The following VEPH1 variants were observed in gnomAD, a reference collection of about 807,000 sequenced individuals.
VEPH1 encodes ventricular zone expressed PH domain containing 1, also known as ventricular zone-expressed PH domain-containing protein homolog 1.
VEPH1 carries 80 observed loss-of-function variants against 85.2 expected under a neutral mutation model. The ratio of observed to expected loss-of-function variants is 0.94; its 90% CI spans 0.78 to 1.13. The LOEUF is 1.13. Ranked by LOEUF, VEPH1 falls within the 50% of genes most tolerant of loss-of-function variation. The pLI, the probability that VEPH1 is intolerant of heterozygous loss-of-function variation, is 0.00. For synonymous variants in VEPH1, 297 were observed against 348.0 expected (o/e 0.85, Z 1.63); for missense variants, 955 against 980.5 (o/e 0.97, Z 0.35).
Position 157,304,014 on chromosome 3 carries a change from TTATATTTTTTA to T in VEPH1, c.2010+9596_2010+9606del, listed in dbSNP as rs1054161299. Among the ~76,000 whole-genome samples the T allele has an allele frequency of 3.6e-4, 42 of 116,570 alleles. 1 individual carries two copies. The highest frequency in any genetic ancestry group is 1.3e-3 in the African/African-American group (38 of 29,110). The allele number at this position is 116,570 out of a possible 152,430, so 76.5% of individuals were successfully genotyped here. A position where few individuals can be genotyped will look rare whatever the true frequency, so the allele number is the denominator to read the frequency against. On this transcript the variant is annotated intron_variant, in intron 11 of 13. Transcript: ENST00000362010. ...CACATGTAGACTTAAATTTCTCATC[TTATATTTTTTA>T]TATATATATATATACACACATACTG...
chr3:157,424,990 C>A (rs527671069), intron 5 of VEPH1, among the ~76,000 whole-genome samples: 36 of 152,178 alleles, frequency 2.4e-4, no homozygotes, highest in South Asian at 4.1e-4. Context: ...CATGGCAGCC[C>A]CTCCCATCAC....
chr3:157,494,942 A>AT, intron 2 of VEPH1, among the ~76,000 whole-genome samples: 1 of 152,074 alleles, frequency 6.6e-6, no homozygotes, highest in East Asian at 1.9e-4. Flanking sequence ...CCTAAATAAT[A>AT]TTTTTGTGAG....
rs1379771843 is a variant in VEPH1 at position 157,438,030 on chromosome 3, C to G, written c.530-9542G>C. On this transcript the variant is annotated intron_variant, in intron 4 of 13. Coordinates refer to ENST00000362010, the MANE Select transcript of VEPH1 (RefSeq NM_001167912.2). Reference sequence around the variant, plus strand: ...GAAGCTTTCATGGGAAGCGCGCGCGCGCGCGCGCACACACACACACACACA... The same window carrying G: ...GAAGCTTTCATGGGAAGCGCGCGCGGGCGCGCGCACACACACACACACACA... 7 of 817,836 alleles carry G rather than the reference C, an allele frequency of 8.6e-6. No homozygotes were observed. In the Admixed American group the frequency reaches 9.8e-5, roughly 11 times the overall value. 50.7% of individuals were successfully genotyped at this position (817,836 alleles called of 1,614,324 possible).
intron 11 of VEPH1, among the ~76,000 whole-genome samples, chr3:157,311,062 A>C (rs1388171846): frequency 6.6e-6 from 1 of 152,254 alleles, no homozygotes; most frequent in Non-Finnish European, 1.5e-5. Context: ...TTCAATTGAT[A>C]TGTATTATTT....
At chr3:157,423,203 C>A (rs1732484656) in intron 5 of VEPH1, among the ~76,000 whole-genome samples, 1 of 152,104 alleles carries the variant, frequency 6.6e-6, no homozygotes, top group Non-Finnish European at 1.5e-5. Context: ...GTCCTATGTA[C>A]CTTAAGGAGT....
intron 3 of VEPH1, among the ~76,000 whole-genome samples, chr3:157,460,841 G>A (rs1014138885): frequency 2.0e-5 from 3 of 152,092 alleles, no homozygotes; most frequent in African/African-American, 4.8e-5. Context: ...GTATGTGTGA[G>A]AAAACTGGAG....
chr3:157,310,905 G>T (rs1222497773), intron 11 of VEPH1, among the ~76,000 whole-genome samples: 1 of 152,140 alleles, frequency 6.6e-6, no homozygotes, highest in Non-Finnish European at 1.5e-5. Flanking sequence ...CCTCTCCTGG[G>T]CCCAGAGGAG....
intron 6 of VEPH1, among the ~76,000 whole-genome samples, chr3:157,392,165 A>AGT (rs1729922162): frequency 6.6e-6 from 1 of 152,212 alleles, no homozygotes; most frequent in African/African-American, 2.4e-5. Context: ...CAACCACACA[A>AGT]TAGAAACAAC....
rs141816850 is a variant in VEPH1 at position 157,359,584 on chromosome 3, T to C, written c.1735+3780A>G. Among the ~76,000 whole-genome samples the C allele has an allele frequency of 2.0e-3, 307 of 152,334 alleles. 1 individual carries two copies. Among genetic ancestry groups the C allele is most frequent in the African/African-American group, 6.4e-3 (267 of 41,582 alleles). ...ACACAGTGATAGATTCTTACTGATC[T>C]ATTTATACTCTATTGCCTGTTCCCA... On this transcript the variant is annotated intron_variant, in intron 9 of 13. Coordinates refer to ENST00000362010, the MANE Select transcript of VEPH1 (RefSeq NM_001167912.2).
At chr3:157,379,804 G>A (rs1025617905) in intron 7 of VEPH1, among the ~76,000 whole-genome samples, 1 of 152,122 alleles carries the variant, frequency 6.6e-6, no homozygotes, top group Non-Finnish European at 1.5e-5. Context: ...TGGAGATGGG[G>A]TCGAGTCCAT....
chr3:157,408,378 C>T (rs1731292095), intron 6 of VEPH1, among the ~76,000 whole-genome samples: 1 of 152,094 alleles, frequency 6.6e-6, no homozygotes, highest in African/African-American at 2.4e-5. Context: ...TTTCCTCCTC[C>T]TCTCTCTTAA....
intron 2 of VEPH1, among the ~76,000 whole-genome samples, chr3:157,486,725 CAAT>C (rs1271302700): frequency 2.0e-5 from 3 of 152,106 alleles, no homozygotes; most frequent in African/African-American, 7.2e-5. Context: ...TTCTGGCACA[CAAT>C]AAGTGCTACA....
chr3:157,363,325 C>A, intron 9 of VEPH1, 39 bp downstream of exon 9: 1 of 1,515,852 alleles, frequency 6.6e-7, no homozygotes, highest in South Asian at 1.4e-5. Context: ...TGCAGTGACT[C>A]CTGAAGTTTC....
At chr3:157,442,018 T>C (rs538224983) in intron 4 of VEPH1, among the ~76,000 whole-genome samples, 158 of 152,276 alleles carry the variant, frequency 1.0e-3, no homozygotes, top group Non-Finnish European at 1.6e-3. Flanking sequence ...AGTTAACTGA[T>C]AGTGATTCAA....
intron 12 of VEPH1, among the ~76,000 whole-genome samples, chr3:157,281,424 G>A (rs997365339): frequency 1.3e-5 from 2 of 152,104 alleles, no homozygotes; most frequent in African/African-American, 2.4e-5. Context: ...AAAGCATTCC[G>A]TTGTTTTTGG....
rs72302538 is a variant in VEPH1, at chr3:157,471,714, C to CT, written c.139-1186dup. Among the ~76,000 whole-genome samples, 246 of 142,386 alleles carry CT rather than the reference C, an allele frequency of 1.7e-3. 1 individual carries two copies. Among genetic ancestry groups the CT allele is most frequent in the African/African-American group, 4.8e-3 (187 of 38,648 alleles). The allele number at this position is 142,386 out of a possible 152,430, so 93.4% of individuals were successfully genotyped here. On this transcript the variant is annotated intron_variant, in intron 2 of 13. Coordinates refer to ENST00000362010, the MANE Select transcript of VEPH1 (RefSeq NM_001167912.2). The stretch of plus-strand genomic sequence containing the variant: ...TATATTTTTCTTTAGGTGACCTCAT[C>CT]TTTTTTTTTTTTAATCCTTCTTTGG...
At chr3:157,345,760 GC>G (rs1196353616) in intron 9 of VEPH1, among the ~76,000 whole-genome samples, 3 of 152,164 alleles carry the variant, frequency 2.0e-5, no homozygotes, top group African/African-American at 7.2e-5. Context: ...ATTCACAATA[GC>G]AAAGACTTGG....
intron 12 of VEPH1, among the ~76,000 whole-genome samples, chr3:157,273,474 A>T (rs73873622): frequency 1.4e-3 from 207 of 152,348 alleles, no homozygotes; most frequent in African/African-American, 4.5e-3. Flanking sequence ...TCTGGGCTGA[A>T]TTCTCAGGGA....
In VEPH1 at chr3:157,491,203, C is replaced by G. The variant is rs143848492; in HGVS notation, c.138+4009G>C. On this transcript the variant is annotated intron_variant, in intron 2 of 13. Coordinates refer to ENST00000362010, the MANE Select transcript of VEPH1 (RefSeq NM_001167912.2). ...AGACATGCAGGGATTTTCAATTGTA[C>G]CTAACATGTTAAAGTGGGTGATTCT... Among the ~76,000 whole-genome samples, 847 of 152,108 alleles carry G rather than the reference C, an allele frequency of 5.6e-3. 2 individuals carry two copies. The highest frequency in any genetic ancestry group is 0.027 in the Middle Eastern group (8 of 294).
Sources: allele counts gnomAD v4.1 joint callset (sites outside exome capture counted in the v4.1 genomes callset), GRCh38; gene constraint gnomAD v4.1.1; transcripts MANE v1.5; gene names NCBI Gene and HGNC (gene_info 2026-07-23, HGNC 2026-07-21).